Variants in ATXN7 observed in about 807,000 individuals in gnomAD.
ATXN7 encodes the protein ataxin 7.
A neutral mutation model predicts 70.5 loss-of-function variants in ATXN7; 12 were observed. The observed-to-expected ratio is 0.17, with a 90% CI of 0.11 to 0.28. ATXN7 has a LOEUF of 0.28. Ranked by LOEUF, ATXN7 falls within the 10% of genes least tolerant of loss-of-function variation. ATXN7 has a pLI of 1.00. For synonymous variants in ATXN7, 498 were observed against 448.7 expected (o/e 1.11, Z -1.39); for missense variants, 1,256 against 1,131.7 (o/e 1.11, Z -1.58).
intron 2 of ATXN7, among the ~76,000 whole-genome samples, chr3:63,903,272 A>G (rs1417737087): frequency 1.3e-5 from 2 of 150,994 alleles, no homozygotes; most frequent in East Asian, 2.0e-4. Context: ...CTGTAGTCCC[A>G]CCTACCCCGG....
At chr3:63,899,147 C>T (rs1282124928) in intron 2 of ATXN7, among the ~76,000 whole-genome samples, 4 of 151,770 alleles carry the variant, frequency 2.6e-5, no homozygotes, top group African/African-American at 9.7e-5. Flanking sequence ...ACTGCAACCT[C>T]CACCTCCTAG....
intron 9 of ATXN7, among the ~76,000 whole-genome samples, chr3:63,989,634 A>T (rs1024716332): frequency 4.6e-5 from 7 of 152,210 alleles, no homozygotes; most frequent in Non-Finnish European, 1.0e-4. Flanking sequence ...AGGTACTAAA[A>T]TAATCTAGAG....
intron 2 of ATXN7, chr3:63,905,027 A>T (rs1218072360): frequency 1.3e-5 from 2 of 152,080 alleles, no homozygotes; most frequent in Non-Finnish European, 2.9e-5. Context: ...TTGTTAATTT[A>T]CTGGGCTGCG....
chr3:63,998,627 T>C (rs2075797093), intron 12 of ATXN7: 1 of 985,304 alleles, frequency 1.0e-6, no homozygotes, highest in Middle Eastern at 5.2e-4. Flanking sequence ...CTTTTTATTA[T>C]GCTACACAAA....
At chr3:63,869,598 T>C (rs1351704088) in intron 1 of ATXN7, among the ~76,000 whole-genome samples, 2 of 152,174 alleles carry the variant, frequency 1.3e-5, no homozygotes, top group Non-Finnish European at 2.9e-5. Context: ...CTCATTTTTG[T>C]ATTTTTAGTA....
intron 8 of ATXN7, among the ~76,000 whole-genome samples, chr3:63,986,114 G>T (rs1369154968): frequency 6.6e-6 from 1 of 152,190 alleles, no homozygotes; most frequent in Non-Finnish European, 1.5e-5. Context: ...AGGTAGGAGA[G>T]GTGGAGGAAA....
chr3:63,877,245 G>A (rs1025327955), intron 1 of ATXN7, among the ~76,000 whole-genome samples: 1 of 152,032 alleles, frequency 6.6e-6, no homozygotes, highest in Non-Finnish European at 1.5e-5. Context: ...CGTGATTACA[G>A]AAATCATAAG....
At chr3:63,884,203 GCACACA>G (rs57391192) in intron 1 of ATXN7, among the ~76,000 whole-genome samples, 79,939 of 142,828 alleles carry the variant, frequency 0.56, 22,884 homozygotes, top group East Asian at 0.67. Flanking sequence ...AATAACATGC[GCACACA>G]CACACACACA....
intron 1 of ATXN7, among the ~76,000 whole-genome samples, chr3:63,869,176 G>A (rs1280630063): frequency 6.6e-6 from 1 of 152,326 alleles, no homozygotes; most frequent in Admixed American, 6.5e-5. Flanking sequence ...GTTGGGAAAT[G>A]GTTATGAACA....
chr3:63,997,863 G>T (rs1164424641), intron 12 of ATXN7: 1 of 985,150 alleles, frequency 1.0e-6, no homozygotes, highest in Non-Finnish European at 1.2e-6. Flanking sequence ...AAAGGTATGG[G>T]GAAAATATTT....
At chr3:63,913,980 C>CT in intron 4 of ATXN7, among the ~76,000 whole-genome samples, 1 of 152,282 alleles carries the variant, frequency 6.6e-6, no homozygotes, top group Non-Finnish European at 1.5e-5. Flanking sequence ...AATACCTGCA[C>CT]TAGGCCTGGG....
At chr3:63,998,013 C>T (rs1175644492) in intron 12 of ATXN7, 5 of 985,320 alleles carry the variant, frequency 5.1e-6, no homozygotes, top group Non-Finnish European at 6.0e-6. Flanking sequence ...CATAACAGTC[C>T]AATATAAACA....
rs150484362 is a variant in ATXN7, at chr3:63,987,444, A to T, written c.1096-615A>T. On this transcript the variant is annotated intron_variant, in intron 8 of 12. Transcript: ENST00000674280. ...GATTACTTTGTCTCCCTTCCTGTTC[A>T]TAGCATTTCTTCTCAGCCTCATCTT... Among the ~76,000 whole-genome samples the T allele has an allele frequency of 4.6e-5, 7 of 152,228 alleles. No individual in the cohort carries two copies. In the East Asian group the frequency reaches 5.8e-4, roughly 13 times the overall value.
At chr3:63,880,085 C>G (rs1464292638) in intron 1 of ATXN7, among the ~76,000 whole-genome samples, 2 of 151,012 alleles carry the variant, frequency 1.3e-5, no homozygotes, top group African/African-American at 4.9e-5. Flanking sequence ...GACTCCGTAT[C>G]AAAAAAGAAA....
In ATXN7 at chr3:63,948,315, C is replaced by T. The variant is rs189661387; in HGVS notation, c.395-4064C>T. 3.3e-3 allele frequency among the ~76,000 whole-genome samples: 502 copies of T among 152,156 alleles called. 1 individual carries two copies. The highest frequency in any genetic ancestry group is 0.01 in the Middle Eastern group (3 of 294). The stretch of plus-strand genomic sequence containing the variant: ...GTTGGGGGATGAATAGTATCATTTA[C>T]CCAAAATGGGGAAGGTTGTTGGGTG... On this transcript the variant is annotated intron_variant, in intron 4 of 12. Coordinates refer to ENST00000674280, the MANE Select transcript of ATXN7 (RefSeq NM_001377405.1).
intron 5 of ATXN7, among the ~76,000 whole-genome samples, chr3:63,966,576 GA>G (rs557253591): frequency 6.1e-4 from 92 of 151,976 alleles, no homozygotes; most frequent in Non-Finnish European, 1.1e-3. Context: ...GAATCTGGGG[GA>G]AAAAAAGTGG....
At chr3:63,884,236 C>CACAT (rs1164521158) in intron 1 of ATXN7, among the ~76,000 whole-genome samples, 5 of 122,304 alleles carry the variant, frequency 4.1e-5, no homozygotes, top group African/African-American at 1.4e-4. Context: ...CACACACACA[C>CACAT]ACACATACTC....
intron 5 of ATXN7, among the ~76,000 whole-genome samples, chr3:63,974,971 T>TA (rs969181627): frequency 3.9e-5 from 6 of 152,314 alleles, no homozygotes; most frequent in African/African-American, 1.4e-4. Flanking sequence ...CTGAGGTAGA[T>TA]GGTAGAAGTT....
chr3:63,876,867 C>T (rs1428547825), intron 1 of ATXN7, among the ~76,000 whole-genome samples: 3 of 152,202 alleles, frequency 2.0e-5, no homozygotes, highest in African/African-American at 7.2e-5. Context: ...CATATGATAT[C>T]ATCTGCATGG....
Sources: gnomAD v4.1 joint callset for allele counts (sites outside exome capture counted in the v4.1 genomes callset) on GRCh38, gnomAD v4.1.1 for gene constraint, MANE v1.5 for transcripts, NCBI Gene and HGNC (gene_info 2026-07-23, HGNC 2026-07-21) for gene names.